RBM20: variants seen among roughly 807,000 people sequenced by gnomAD.
The protein encoded by RBM20 is RNA binding motif protein 20.
A neutral mutation model predicts 110.1 loss-of-function variants in RBM20; 51 were observed. The ratio of observed to expected loss-of-function variants is 0.46; its 90% confidence interval spans 0.37 to 0.59. The LOEUF (loss-of-function observed/expected upper bound fraction) is 0.59, where lower values mean the gene tolerates loss of function less well. Ranked by LOEUF, RBM20 falls within the 20% of genes least tolerant of loss-of-function variation. The pLI is 0.00. For missense variants in RBM20, 1,512 were observed against 1,574.9 expected, an observed-to-expected ratio of 0.96 and a Z score of 0.68; for synonymous variants, 589 against 618.2, an observed-to-expected ratio of 0.95 and a Z score of 0.70.
chr10:110,819,284 C>A (rs1291962252), intron 9 of RBM20, among the ~76,000 whole-genome samples: 1 of 152,194 alleles, frequency 6.6e-6, no homozygotes, highest in Non-Finnish European at 1.5e-5. Context: ...GGCCAAGGGG[C>A]AAAATTGAGG....
At chr10:110,725,270 A>G (rs905641348) in intron 1 of RBM20, among the ~76,000 whole-genome samples, 2 of 152,182 alleles carry the variant, frequency 1.3e-5, no homozygotes, top group African/African-American at 4.8e-5. Flanking sequence ...ATTACTCTGG[A>G]GCGTGCGCTT....
At chr10:110,831,380 C>T in intron 13 of RBM20, 198 bp downstream of exon 13, 1 of 511,226 alleles carries the variant, frequency 2.0e-6, no homozygotes, top group African/African-American at 1.9e-5. Flanking sequence ...CCTTCCACTA[C>T]ATGGAAAACC....
rs1277697515 is a variant in RBM20 at position 110,770,347 on chromosome 10, A to T, written c.192-10454A>T. Among the ~76,000 whole-genome samples, 6 of 152,350 alleles carry T rather than the reference A, an allele frequency of 3.9e-5. No homozygotes were observed. In the East Asian group the frequency reaches 1.2e-3, roughly 29 times the overall value. ...CAGATCATCCTAACTTTTCTGTGTCATGAATAACTGCCTTAAGAAAACACC... is the reference window on the plus strand; with the variant it reads ...CAGATCATCCTAACTTTTCTGTGTCTTGAATAACTGCCTTAAGAAAACACC... On this transcript the variant is annotated intron_variant, in intron 1 of 13. Transcript: ENST00000369519.
intron 1 of RBM20, among the ~76,000 whole-genome samples, chr10:110,733,832 A>G (rs1843642831): frequency 1.3e-5 from 2 of 152,222 alleles, no homozygotes; most frequent in Non-Finnish European, 2.9e-5. Flanking sequence ...GACATGTTTT[A>G]TCCCCAGCAA....
intron 1 of RBM20, among the ~76,000 whole-genome samples, chr10:110,748,107 T>A (rs1843805679): frequency 6.6e-6 from 1 of 152,174 alleles, no homozygotes; most frequent in South Asian, 2.1e-4. Context: ...GAGAAAGTAG[T>A]GTTAACTTTT....
At chr10:110,774,529 A>T (rs1334848952) in intron 1 of RBM20, among the ~76,000 whole-genome samples, 1 of 151,364 alleles carries the variant, frequency 6.6e-6, no homozygotes, top group Non-Finnish European at 1.5e-5. Flanking sequence ...CGTGTATCCG[A>T]CCACAGCTAC....
intron 1 of RBM20, among the ~76,000 whole-genome samples, chr10:110,648,792 A>T (rs1861905141): frequency 6.6e-6 from 1 of 152,184 alleles, no homozygotes; most frequent in South Asian, 2.1e-4. Context: ...TTATCAGAAA[A>T]AGAAATTTTG....
intron 7 of RBM20, among the ~76,000 whole-genome samples, chr10:110,809,598 G>A (rs1038507166): frequency 6.6e-6 from 1 of 152,148 alleles, no homozygotes; most frequent in African/African-American, 2.4e-5. Context: ...TCCTGGCATA[G>A]CCACCGTCTA....
rs12413070 is a variant in RBM20 at position 110,733,695 on chromosome 10, G to A, written c.192-47106G>A. 9.1e-3 allele frequency among the ~76,000 whole-genome samples: 1,382 copies of A among 152,366 alleles called. 52 individuals are homozygous for A. The highest frequency in any genetic ancestry group is 0.06 in the Admixed American group (921 of 15,304). On this transcript the variant is annotated intron_variant, in intron 1 of 13. Coordinates refer to ENST00000369519, the MANE Select transcript of RBM20 (RefSeq NM_001134363.3). ...CTGGCCACAAATTTCCCACACTGGCGTGGCTCGGCGCTTTCTGGCTGCCTT... is the reference window on the plus strand; with the variant it reads ...CTGGCCACAAATTTCCCACACTGGCATGGCTCGGCGCTTTCTGGCTGCCTT...
In RBM20 at chr10:110,806,948, T is replaced by G. The variant is rs569272911; in HGVS notation, c.1801-3435T>G. Among the ~76,000 whole-genome samples, 11 of 152,348 alleles carry G rather than the reference T, an allele frequency of 7.2e-5. No individual in the cohort carries two copies. In the South Asian group the frequency reaches 2.3e-3, roughly 32 times the overall value. ...AGTCAATTCTCTTATTTGAAAATCT[T>G]TGGCTACTTCTGTCCCCTTTTCAGA... On this transcript the variant is annotated intron_variant, in intron 7 of 13. Transcript: ENST00000369519.
rs540240277 is a variant in RBM20, at chr10:110,802,028, G to A, written c.1800+2110G>A. Among the ~76,000 whole-genome samples the A allele has an allele frequency of 5.9e-5, 9 of 152,224 alleles. No homozygotes were observed. In the South Asian group the frequency reaches 1.2e-3, roughly 21 times the overall value. ...GTTTGCAGGAGTTCTCTTAACTGGA[G>A]CACGTAGTCTATTTGGATTTCTTGT... On this transcript the variant is annotated intron_variant, in intron 7 of 13. Coordinates refer to ENST00000369519, the MANE Select transcript of RBM20 (RefSeq NM_001134363.3).
intron 1 of RBM20, among the ~76,000 whole-genome samples, chr10:110,772,619 A>G (rs1287863357): frequency 2.0e-5 from 3 of 152,250 alleles, no homozygotes; most frequent in Admixed American, 6.5e-5. Flanking sequence ...TATATCATAT[A>G]GCCTAGGTGT....
At chr10:110,698,197 C>T (rs7393405) in intron 1 of RBM20, among the ~76,000 whole-genome samples, 2 of 152,140 alleles carry the variant, frequency 1.3e-5, no homozygotes, top group Middle Eastern at 3.2e-3. Context: ...CGTGAGCCAC[C>T]GCGCCCGGCC....
chr10:110,750,123 A>T (rs2134983959), intron 1 of RBM20, among the ~76,000 whole-genome samples: 1 of 152,382 alleles, frequency 6.6e-6, no homozygotes, highest in South Asian at 2.1e-4. Context: ...AGCTTTATCC[A>T]TCATGTGAAA....
chr10:110,677,043 A>G (rs563126957), intron 1 of RBM20, among the ~76,000 whole-genome samples: 1 of 152,248 alleles, frequency 6.6e-6, no homozygotes, highest in East Asian at 1.9e-4. Flanking sequence ...TTTATTTATT[A>G]TAGTTATGGG....
intron 1 of RBM20, among the ~76,000 whole-genome samples, chr10:110,649,421 G>A (rs1322196169): frequency 5.9e-5 from 9 of 152,114 alleles, no homozygotes; most frequent in Admixed American, 2.0e-4. Context: ...TCAAGGGATA[G>A]AAATTAAAAT....
At chr10:110,758,159 G>C (rs1489835252) in intron 1 of RBM20, among the ~76,000 whole-genome samples, 1 of 151,334 alleles carries the variant, frequency 6.6e-6, no homozygotes, top group Non-Finnish European at 1.5e-5. Context: ...GCTGGGACTA[G>C]AGGTGTGCAC....
rs539830371 is a variant in RBM20, at chr10:110,690,824, TTCACCTTTTGGCTATTG to T, written c.191+46181_191+46197del. ...TCTGTTGATGGCCAGAAGCATCGTT[TTCACCTTTTGGCTATTG>T]TGAATAATGCTTCCATGAATGTTGG... On this transcript the variant is annotated intron_variant, in intron 1 of 13. Coordinates refer to ENST00000369519, the MANE Select transcript of RBM20 (RefSeq NM_001134363.3). Among the ~76,000 whole-genome samples the T allele has an allele frequency of 6.0e-3, 907 of 152,376 alleles. 34 individuals are homozygous for T. The highest frequency in any genetic ancestry group is 0.055 in the Admixed American group (846 of 15,304).
At chr10:110,732,361 A>G (rs1473739247) in intron 1 of RBM20, among the ~76,000 whole-genome samples, 1 of 152,052 alleles carries the variant, frequency 6.6e-6, no homozygotes, top group Non-Finnish European at 1.5e-5. Flanking sequence ...TTTTTATGAA[A>G]ATGGGCATCC....
Sources: gnomAD v4.1 joint callset for allele counts (sites outside exome capture counted in the v4.1 genomes callset) on GRCh38, gnomAD v4.1.1 for gene constraint, MANE v1.5 for transcripts, NCBI Gene and HGNC (gene_info 2026-07-23, HGNC 2026-07-21) for gene names.